Variants in CSE1L observed in about 807,000 individuals in gnomAD.
CSE1L encodes the protein exportin-2.
A neutral mutation model predicts 120.4 loss-of-function variants in CSE1L; 24 were observed. That is an observed-to-expected ratio of 0.20 (90% CI 0.14 to 0.28). The LOEUF is 0.28. Ranked by LOEUF, CSE1L falls within the 10% of genes least tolerant of loss-of-function variation. The pLI is 1.00. For missense variants in CSE1L, 830 were observed against 1,145.2 expected, an observed-to-expected ratio of 0.72 and a Z score of 3.97; for synonymous variants, 402 against 398.3, an observed-to-expected ratio of 1.01 and a Z score of -0.11.
chr20:49,073,946 G>T (rs879517572), intron 10 of CSE1L, among the ~76,000 whole-genome samples: 10 of 152,074 alleles, frequency 6.6e-5, no homozygotes, highest in Non-Finnish European at 1.5e-4. Context: ...TGGGTGTGGT[G>T]GCCCATACCT....
intron 11 of CSE1L, 94 bp downstream of exon 11, chr20:49,074,944 AAG>A: frequency 5.5e-6 from 5 of 908,614 alleles, no homozygotes; most frequent in South Asian, 1.7e-5. Context: ...GATTGAGAAT[AAG>A]AGTGTTTTTT....
chr20:49,077,464 A>C (rs2091978333), intron 13 of CSE1L, among the ~76,000 whole-genome samples: 1 of 152,024 alleles, frequency 6.6e-6, no homozygotes, highest in Non-Finnish European at 1.5e-5. Flanking sequence ...CCTGCCTATT[A>C]TTTCTTTTAT....
chr20:49,075,873 C>T (rs545887013), intron 12 of CSE1L, among the ~76,000 whole-genome samples: 5 of 152,278 alleles, frequency 3.3e-5, no homozygotes, highest in African/African-American at 9.6e-5. Flanking sequence ...CACTTTGTCA[C>T]CAGGCTGGAG....
intron 13 of CSE1L, among the ~76,000 whole-genome samples, chr20:49,077,494 T>G (rs2091978595): frequency 6.6e-6 from 1 of 152,202 alleles, no homozygotes; most frequent in South Asian, 2.1e-4. Context: ...TCTCAAATGG[T>G]TTCCCCAGAT....
At chr20:49,081,352 C>T (rs2092011717) in intron 14 of CSE1L, among the ~76,000 whole-genome samples, 1 of 152,130 alleles carries the variant, frequency 6.6e-6, no homozygotes, top group African/African-American at 2.4e-5. Context: ...GACATGACCA[C>T]AGCTCACTGC....
At chr20:49,082,806 C>T (rs2092024069) in intron 14 of CSE1L, among the ~76,000 whole-genome samples, 1 of 152,048 alleles carries the variant, frequency 6.6e-6, no homozygotes, top group Admixed American at 6.6e-5. Flanking sequence ...CAGGCATGAG[C>T]CACCGTGCCT....
intron 2 of CSE1L, among the ~76,000 whole-genome samples, chr20:49,058,771 G>A (rs148515114): frequency 1.2e-3 from 180 of 152,096 alleles, no homozygotes; most frequent in African/African-American, 3.7e-3. Flanking sequence ...ACTAGTTTTC[G>A]GATAAAAAGT....
intron 3 of CSE1L, 148 bp from the exon 4 acceptor site, chr20:49,066,044 G>A: frequency 1.5e-6 from 1 of 663,222 alleles, no homozygotes; most frequent in Non-Finnish European, 2.6e-6. Context: ...ACCCATTCAT[G>A]TAGAGGGAAA....
chr20:49,071,551 A>G (rs1252972710), intron 8 of CSE1L, among the ~76,000 whole-genome samples: 1 of 152,088 alleles, frequency 6.6e-6, no homozygotes, highest in African/African-American at 2.4e-5. Flanking sequence ...TGGCATGATC[A>G]TGACTTACTG....
chr20:49,084,413 A>G (rs1233619985), intron 15 of CSE1L, among the ~76,000 whole-genome samples: 7 of 152,178 alleles, frequency 4.6e-5, no homozygotes, highest in African/African-American at 1.7e-4. Context: ...ATGTGTGTCA[A>G]AGGATCCTAT....
chr20:49,062,229 AAC>A (rs2091858408), intron 2 of CSE1L, among the ~76,000 whole-genome samples: 1 of 152,208 alleles, frequency 6.6e-6, no homozygotes, highest in Non-Finnish European at 1.5e-5. Flanking sequence ...TTTTCAGTTT[AAC>A]AATCTTCATC....
chr20:49,091,040 G>T lies in CSE1L; in HGVS notation c.2365+18G>T. 6.8e-7 allele frequency: 1 copy of T among 1,466,646 alleles called. No individual in the cohort carries two copies. The highest frequency in any genetic ancestry group is 1.2e-5 in the South Asian group (1 of 86,520). 90.9% of individuals were successfully genotyped at this position (1,466,646 alleles called of 1,614,324 possible). Reference sequence around the variant, plus strand: ...TATCAAGAGTAAGTAAAATCATCTGGATGTTCTACAGAAGTAATGAAAGAA... The same window carrying T: ...TATCAAGAGTAAGTAAAATCATCTGTATGTTCTACAGAAGTAATGAAAGAA... On this transcript the variant is annotated intron_variant, in intron 21 of 24. Transcript: ENST00000262982.
chr20:49,091,934 G>A (rs1027796612), intron 21 of CSE1L, 112 bp from the exon 22 acceptor site: 4 of 652,854 alleles, frequency 6.1e-6, no homozygotes, highest in Non-Finnish European at 1.1e-5. Context: ...AGGTATTGAT[G>A]CCACAGCCTT....
chr20:49,082,500 G>A (rs1282003424), intron 14 of CSE1L, among the ~76,000 whole-genome samples: 1 of 152,056 alleles, frequency 6.6e-6, no homozygotes, highest in African/African-American at 2.4e-5. Flanking sequence ...TCATTTTTCT[G>A]TTTTTTGTTA....
intron 13 of CSE1L, 152 bp from the exon 14 acceptor site, chr20:49,078,409 A>G: frequency 1.9e-6 from 1 of 536,952 alleles, no homozygotes; most frequent in Non-Finnish European, 3.2e-6. Flanking sequence ...AATCCTACCA[A>G]AATTAATGAC....
intron 3 of CSE1L, among the ~76,000 whole-genome samples, chr20:49,063,566 G>A (rs982895976): frequency 6.6e-6 from 1 of 152,054 alleles, no homozygotes. Flanking sequence ...TCAAAAAAAA[G>A]GATTCAGATA....
At chr20:49,073,673 T>C (rs1385306184) in intron 10 of CSE1L, among the ~76,000 whole-genome samples, 1 of 152,012 alleles carries the variant, frequency 6.6e-6, no homozygotes, top group Admixed American at 6.6e-5. Flanking sequence ...TTTATAAAGA[T>C]GGGGGTCTTC....
chr20:49,051,374 A>G (rs1009751996), intron 1 of CSE1L, among the ~76,000 whole-genome samples: 2 of 133,870 alleles, frequency 1.5e-5, no homozygotes, highest in Admixed American at 7.0e-5. Context: ...GTGAAACCGC[A>G]TCTTTACTGT....
chr20:49,086,819 T>G (rs539220858), intron 16 of CSE1L, among the ~76,000 whole-genome samples: 2 of 152,320 alleles, frequency 1.3e-5, no homozygotes, highest in African/African-American at 4.8e-5. Context: ...GGAGCACCAA[T>G]TTATCCTCTA....
Sources: allele counts gnomAD v4.1 joint callset (sites outside exome capture counted in the v4.1 genomes callset), GRCh38; gene constraint gnomAD v4.1.1; transcripts MANE v1.5; gene names NCBI Gene and HGNC (gene_info 2026-07-23, HGNC 2026-07-21).